ASXL3: variants seen among roughly 807,000 people sequenced by gnomAD.
ASXL3 encodes ASXL transcriptional regulator 3.
In ASXL3, 34 loss-of-function variants were observed where a neutral mutation model predicts 170.6. The observed-to-expected ratio is 0.20, with a 90% CI of 0.15 to 0.27. The LOEUF (loss-of-function observed/expected upper bound fraction) is 0.27. Among genes scored for constraint, ASXL3 ranks in the 10% least tolerant of loss-of-function variants. The pLI is 1.00. For synonymous variants in ASXL3, 1,002 were observed against 989.1 expected, an observed-to-expected ratio of 1.01 and a Z score of -0.24; for missense variants, 2,592 against 2,695.3, an observed-to-expected ratio of 0.96 and a Z score of 0.85.
intron 8 of ASXL3, among the ~76,000 whole-genome samples, chr18:33,730,017 G>T (rs1334774894): frequency 1.3e-5 from 2 of 152,120 alleles, no homozygotes; most frequent in Non-Finnish European, 2.9e-5. Flanking sequence ...CCAACAGAAT[G>T]AATAATACAA....
At chr18:33,604,438 A>G (rs1045217616) in intron 1 of ASXL3, among the ~76,000 whole-genome samples, 1 of 150,690 alleles carries the variant, frequency 6.6e-6, no homozygotes, top group African/African-American at 2.5e-5. Context: ...TTCCAATCTC[A>G]ATTTCATCTG....
chr18:33,681,060 C>T (rs2066506285), intron 7 of ASXL3, among the ~76,000 whole-genome samples: 1 of 151,426 alleles, frequency 6.6e-6, no homozygotes, highest in Non-Finnish European at 1.5e-5. Flanking sequence ...CCAATAGCTA[C>T]TTCCAGAGTT....
At chr18:33,715,272 A>C (rs923536430) in intron 8 of ASXL3, among the ~76,000 whole-genome samples, 2 of 152,174 alleles carry the variant, frequency 1.3e-5, no homozygotes, top group South Asian at 2.1e-4. Context: ...TCCTTCGAGA[A>C]TCTTGTTCAT....
chr18:33,643,424 A>T (rs1375543127), intron 2 of ASXL3, among the ~76,000 whole-genome samples: 2 of 151,814 alleles, frequency 1.3e-5, no homozygotes, highest in Non-Finnish European at 2.9e-5. Context: ...CCTAAACACA[A>T]CATTGTTTCC....
chr18:33,657,531 A>C (rs780680819), intron 4 of ASXL3, among the ~76,000 whole-genome samples: 1 of 152,122 alleles, frequency 6.6e-6, no homozygotes, highest in Non-Finnish European at 1.5e-5. Context: ...ATGCAGCTTT[A>C]AAAATAGGAA....
rs1271790414 is a variant in ASXL3 at position 33,745,802 on chromosome 18, G to T, written c.5954G>T (p.Arg1985Met). 5 of 1,614,002 alleles carry T rather than the reference G, an allele frequency of 3.1e-6. No homozygotes were observed. In the South Asian group the frequency reaches 5.5e-5, roughly 18 times the overall value. ...VSLSSAPHQL[R>M]LANMLSPNMP... ...CTTTCCTCAGCACCTCACCAGCTAA[G>T]GTTAGCCAACATGTTATCCCCCAAT... The change falls in exon 12 of 12, where the codon AGG (arginine) becomes ATG (methionine). Residue 1985 changes from arginine (R) to methionine (M), a missense_variant. Arg to Met is a moderately conservative substitution (Grantham distance 91). Transcript: ENST00000269197.
rs749882868 is a variant in ASXL3 at position 33,745,878 on chromosome 18, A to G, written c.6030A>G (p.Pro2010=). The G allele has an allele frequency of 1.9e-6, 3 of 1,613,610 alleles. No individual in the cohort carries two copies. The highest frequency in any genetic ancestry group is 3.3e-5 in the Admixed American group (2 of 60,008). Residue 2010 remains proline, a synonymous_variant, in exon 12 of 12, where the codon CCA becomes CCG. Coordinates refer to ENST00000269197, the MANE Select transcript of ASXL3 (RefSeq NM_030632.3). ...DEVGGTAHTM[P]NKALVHPPPP... ...TGGGAGGCACTGCACACACAATGCC[A>G]AACAAAGCACTAGTACATCCGCCGC...
rs2067817321 is a variant in ASXL3 at position 33,747,575 on chromosome 18, C to A, written c.*980C>A. Reference sequence around the variant, plus strand: ...CATTGTAGCCCTTTATTGATGACACCCATTCATTCTGGCTTCAGACCTTGC... The same window carrying A: ...CATTGTAGCCCTTTATTGATGACACACATTCATTCTGGCTTCAGACCTTGC... On this transcript the variant is annotated 3_prime_UTR_variant, in exon 12 of 12. Transcript: ENST00000269197. 1.3e-5 allele frequency: 2 copies of A among 151,726 alleles called. No individual in the cohort carries two copies. The highest frequency in any genetic ancestry group is 2.9e-5 in the Non-Finnish European group (2 of 67,964). 9.4% of individuals were successfully genotyped at this position (151,726 alleles called of 1,614,324 possible).
rs2067789542 is a variant in ASXL3 at position 33,746,218 on chromosome 18, T to C, written c.6370T>C (p.Ser2124Pro). Residue 2124 changes from serine (S) to proline (P), a missense_variant, in exon 12 of 12, where the codon TCC becomes CCC. Coordinates refer to ENST00000269197, the MANE Select transcript of ASXL3 (RefSeq NM_030632.3). ...AFALKSADFS[S>P]YLLSEPQKPF... is the part of the protein sequence containing the mutation. ...CGCGCTAAAAAGTGCAGATTTCTCT[T>C]CCTATTTGCTTTCTGAGCCACAAAA... The C allele has an allele frequency of 6.2e-7, 1 of 1,613,794 alleles. No homozygotes were observed. The highest frequency in any genetic ancestry group is 8.5e-7 in the Non-Finnish European group (1 of 1,179,884).
chr18:33,664,438 A>G (rs2066224604), intron 5 of ASXL3, among the ~76,000 whole-genome samples: 1 of 152,182 alleles, frequency 6.6e-6, no homozygotes, highest in Non-Finnish European at 1.5e-5. Flanking sequence ...CAGGCTGCTT[A>G]TGTTCAGTAC....
Position 33,672,181 on chromosome 18 carries a change from A to G in ASXL3, c.715+315A>G, listed in dbSNP as rs113621736. 6.3e-4 allele frequency among the ~76,000 whole-genome samples: 96 copies of G among 152,280 alleles called. 1 individual carries two copies. The highest frequency in any genetic ancestry group is 1.2e-3 in the Non-Finnish European group (81 of 68,016). On this transcript the variant is annotated intron_variant, in intron 7 of 11. Transcript: ENST00000269197. The stretch of plus-strand genomic sequence containing the variant: ...CTAATGTGCGGTGTTTTGTCTGTGC[A>G]ACTAGGTTTCACTTTATTGGAATAT...
chr18:33,624,397 A>G (rs1463311785), intron 2 of ASXL3, among the ~76,000 whole-genome samples: 1 of 152,086 alleles, frequency 6.6e-6, no homozygotes. Context: ...TTCATTTACA[A>G]TAAATCCCAA....
At chr18:33,597,432 A>G (rs1568268908) in intron 1 of ASXL3, among the ~76,000 whole-genome samples, 1 of 152,072 alleles carries the variant, frequency 6.6e-6, no homozygotes, top group Non-Finnish European at 1.5e-5. Flanking sequence ...TATGGTATGT[A>G]TGTACCTTCA....
At chr18:33,644,486 T>G (rs1288159093) in intron 2 of ASXL3, among the ~76,000 whole-genome samples, 5 of 151,466 alleles carry the variant, frequency 3.3e-5, no homozygotes, top group Middle Eastern at 3.2e-3. Context: ...TTGTTTTTTT[T>G]TTTTTGATCA....
intron 8 of ASXL3, among the ~76,000 whole-genome samples, chr18:33,724,975 A>G (rs1287404562): frequency 6.6e-6 from 1 of 151,970 alleles, no homozygotes; most frequent in Non-Finnish European, 1.5e-5. Flanking sequence ...TCCCTTGTGG[A>G]TAAATCTTGA....
intron 7 of ASXL3, among the ~76,000 whole-genome samples, chr18:33,681,262 C>T (rs1191112149): frequency 2.0e-5 from 3 of 152,060 alleles, no homozygotes; most frequent in Admixed American, 2.0e-4. Flanking sequence ...TGGATTTACT[C>T]ATGTCTATTA....
At chr18:33,638,558 G>A (rs556930623) in intron 2 of ASXL3, among the ~76,000 whole-genome samples, 26 of 152,142 alleles carry the variant, frequency 1.7e-4, no homozygotes, top group Non-Finnish European at 2.8e-4. Context: ...TCCTTGAAGT[G>A]CTAAATATTT....
chr18:33,706,107 CT>C (rs34911049), intron 8 of ASXL3, among the ~76,000 whole-genome samples: 91,874 of 145,572 alleles, frequency 0.63, 30,592 homozygotes, highest in East Asian at 0.93. Context: ...TCTTGATGCA[CT>C]TTTTTTTTTT....
chr18:33,590,120 T>C (rs1260728943), intron 1 of ASXL3, among the ~76,000 whole-genome samples: 2 of 148,018 alleles, frequency 1.4e-5, no homozygotes, highest in Admixed American at 1.3e-4. Flanking sequence ...TGTTTTTTTT[T>C]TTTTTTTTTT....
Sources: gnomAD v4.1 joint callset for allele counts (sites outside exome capture counted in the v4.1 genomes callset) on GRCh38, gnomAD v4.1.1 for gene constraint, MANE v1.5 for transcripts, NCBI Gene and HGNC (gene_info 2026-07-23, HGNC 2026-07-21) for gene names.